The following PAK4 variants were observed in gnomAD, a reference collection of about 807,000 sequenced individuals.
PAK4 encodes the protein p21 (RAC1) activated kinase 4.
In PAK4, 49 loss-of-function variants were observed where a neutral mutation model predicts 53.5. The observed-to-expected ratio is 0.92, with a 90% CI of 0.73 to 1.16. The LOEUF is 1.16. Ranked by LOEUF, PAK4 falls within the 50% of genes most tolerant of loss-of-function variation. The pLI, the probability that PAK4 is intolerant of heterozygous loss-of-function variation, is 0.00. For missense variants in PAK4, 824 were observed against 850.7 expected (o/e 0.97, Z 0.39); for synonymous variants, 376 against 375.6 (o/e 1.00, Z -0.01).
chr19:39,134,619 A>G (rs999970471), intron 1 of PAK4, among the ~76,000 whole-genome samples: 3 of 151,452 alleles, frequency 2.0e-5, no homozygotes, highest in African/African-American at 7.3e-5. Flanking sequence ...TTTTTCTTTG[A>G]CACAGAGTCT....
At chr19:39,176,822 G>A (rs2074615633) in intron 7 of PAK4, 107 bp downstream of exon 8, 2 of 1,366,142 alleles carry the variant, frequency 1.5e-6, no homozygotes, top group Admixed American at 3.8e-5. Flanking sequence ...GTCATTGCCA[G>A]GAATGGTGCT....
rs1334410705 is a variant in PAK4 at position 39,176,782 on chromosome 19, G to A, written c.1485+67G>A. The A allele has an allele frequency of 2.1e-5, 33 of 1,571,706 alleles. No homozygotes were observed. In the South Asian group the frequency reaches 2.7e-4, roughly 13 times the overall value. On this transcript the variant is annotated intron_variant, in intron 7 of 8. Transcript: ENST00000358301. ...TACGCTGCCATTTTCCAGCTGCAGC[G>A]CTGGCGGGAGATGGGGCCCAGTCTG... is the stretch of plus-strand genomic sequence containing the variant.
intron 1 of PAK4, among the ~76,000 whole-genome samples, chr19:39,165,173 T>C (rs965359145): frequency 7.7e-5 from 11 of 142,090 alleles, no homozygotes; most frequent in Admixed American, 1.4e-4. Flanking sequence ...AGGACCAGCC[T>C]TGAGAGGATG....
intron 1 of PAK4, among the ~76,000 whole-genome samples, chr19:39,133,753 C>CT (rs892317241): frequency 6.6e-6 from 1 of 152,198 alleles, no homozygotes; most frequent in African/African-American, 2.4e-5. Context: ...GCCACCTGTC[C>CT]TGGGAACTCC....
At chr19:39,179,786 T>C (rs1005582264), downstream of PAK4, 2 of 152,264 alleles carry the variant, frequency 1.3e-5, no homozygotes, top group African/African-American at 4.8e-5. Flanking sequence ...AGATGGGCTT[T>C]TGGGGATTGA....
At chr19:39,129,692 A>C (rs1211694945) in intron 1 of PAK4, among the ~76,000 whole-genome samples, 1 of 117,900 alleles carries the variant, frequency 8.5e-6, no homozygotes, top group Non-Finnish European at 1.6e-5. Flanking sequence ...CTTAGCTGGG[A>C]CCTCGTCCCC....
rs1412043916 is a variant in PAK4 at position 39,178,778 on chromosome 19, C to T, written c.*199C>T. The stretch of plus-strand genomic sequence containing the variant: ...TGACTTTTAGAAAAACACAGGGACT[C>T]GTGGGAGCAAGCGAGGCTCCCAGGA... On this transcript the variant is annotated 3_prime_UTR_variant, in exon 9 of 9. Coordinates refer to ENST00000358301, the Ensembl canonical transcript of PAK4. The surrounding 1 kb of genome is among the most constrained non-coding windows in gnomAD (Gnocchi z 4.4). 7 of 506,396 alleles carry T rather than the reference C, an allele frequency of 1.4e-5. No individual in the cohort carries two copies. The highest frequency in any genetic ancestry group is 4.0e-5 in the Admixed American group (1 of 24,748). The allele number at this position is 506,396 out of a possible 1,614,324, so 31.4% of individuals were successfully genotyped here. A position where few individuals can be genotyped will look rare whatever the true frequency, so the allele number is the denominator to read the frequency against.
At chr19:39,139,329 C>T (rs1346833130) in intron 1 of PAK4, among the ~76,000 whole-genome samples, 1 of 152,148 alleles carries the variant, frequency 6.6e-6, no homozygotes, top group Non-Finnish European at 1.5e-5. Flanking sequence ...CTGAGAAGTA[C>T]ACTGAGGGGG....
intron 2 of PAK4, among the ~76,000 whole-genome samples, chr19:39,171,208 GTTT>G (rs34497285): frequency 3.0e-5 from 4 of 135,444 alleles, no homozygotes; most frequent in Non-Finnish European, 1.6e-5. Flanking sequence ...CTCCCTGTTG[GTTT>G]TTTTTTTTTT....
chr19:39,174,051 C>T (rs752065913), intron 4 of PAK4, 41 bp downstream of exon 5: 7 of 1,261,490 alleles, frequency 5.5e-6, no homozygotes, highest in South Asian at 2.8e-5. Flanking sequence ...GGTCCTCCCA[C>T]CCCTCCCTCC....
At chr19:39,174,526 C>T (rs759349538) in intron 4 of PAK4, among the ~76,000 whole-genome samples, 2 of 151,978 alleles carry the variant, frequency 1.3e-5, no homozygotes, top group Non-Finnish European at 2.9e-5. Flanking sequence ...TGTGTGAGGC[C>T]CCTCTCGACC....
intron 1 of PAK4, among the ~76,000 whole-genome samples, chr19:39,169,330 G>A (rs2074431765): frequency 6.6e-6 from 1 of 152,096 alleles, no homozygotes; most frequent in African/African-American, 2.4e-5. Context: ...GCAGAGGGAC[G>A]TGACCGCTCG....
chr19:39,131,140 G>A (rs1241090725), intron 1 of PAK4, among the ~76,000 whole-genome samples: 2 of 152,170 alleles, frequency 1.3e-5, no homozygotes, highest in African/African-American at 4.8e-5. Flanking sequence ...GGCAGTGGCA[G>A]AGGTAGGATT....
intron 7 of PAK4, 119 bp downstream of exon 8, chr19:39,176,834 T>A (rs2074615806): frequency 1.6e-6 from 2 of 1,246,116 alleles, no homozygotes; most frequent in African/African-American, 1.5e-5. Flanking sequence ...AATGGTGCTC[T>A]GGACAAGGAG....
chr19:39,182,177 A>T (rs1233952137), downstream of PAK4: 2 of 152,116 alleles, frequency 1.3e-5, no homozygotes, highest in African/African-American at 4.8e-5. Flanking sequence ...TCCTCCTGGG[A>T]CACCTGCCTC....
chr19:39,137,714 T>A (rs1333209591), intron 1 of PAK4, among the ~76,000 whole-genome samples: 1 of 151,620 alleles, frequency 6.6e-6, no homozygotes, highest in Non-Finnish European at 1.5e-5. Context: ...TCACCCAGGC[T>A]GGAGTGCAGT....
intron 1 of PAK4, among the ~76,000 whole-genome samples, chr19:39,147,954 CT>C (rs60141249): frequency 5.5e-4 from 62 of 111,796 alleles, no homozygotes; most frequent in East Asian, 9.6e-4. Flanking sequence ...TATTCTCTCT[CT>C]TTTTTTTTTT....
intron 1 of PAK4, among the ~76,000 whole-genome samples, chr19:39,145,831 C>T (rs906047608): frequency 6.7e-6 from 1 of 149,792 alleles, no homozygotes; most frequent in African/African-American, 2.4e-5. Context: ...GTTTGCCAGG[C>T]TCACACAGCC....
intron 1 of PAK4, among the ~76,000 whole-genome samples, chr19:39,137,525 C>A (rs888309189): frequency 6.6e-6 from 1 of 152,182 alleles, no homozygotes; most frequent in African/African-American, 2.4e-5. Context: ...ATGCTAAGTC[C>A]TTCGCCCATT....
Sources: allele counts gnomAD v4.1 joint callset (sites outside exome capture counted in the v4.1 genomes callset), GRCh38; gene constraint gnomAD v4.1.1; non-coding constraint Gnocchi (gnomAD v3.1); transcripts MANE v1.5; gene names NCBI Gene and HGNC (gene_info 2026-07-23, HGNC 2026-07-21).